GLG1: variants seen among roughly 807,000 people sequenced by gnomAD.
The protein encoded by GLG1 is golgi glycoprotein 1, also known as Golgi apparatus protein 1.
In GLG1, 38 loss-of-function variants were observed where a neutral mutation model predicts 160.5. That is an observed-to-expected ratio of 0.24 (90% confidence interval 0.18 to 0.31). GLG1 has a LOEUF of 0.31. GLG1 is among the 10% of genes least tolerant of loss of function. The pLI is 1.00. For missense variants in GLG1, 1,373 were observed against 1,505.2 expected (o/e 0.91, Z 1.45); for synonymous variants, 644 against 543.4 (o/e 1.19, Z -2.57).
Position 74,449,794 on chromosome 16 carries a change from C to T in GLG1, c.*3373G>A, listed in dbSNP as rs1283651037. On this transcript the variant is annotated 3_prime_UTR_variant, in exon 26 of 26. Coordinates refer to ENST00000422840, the MANE Select transcript of GLG1 (RefSeq NM_001145667.2). Reference sequence around the variant, plus strand: ...GTGGTAGCCCGGGGAAGATCGCTTTCCCGGGGGTGATCCCAAGCCTATGGA... The same window carrying T: ...GTGGTAGCCCGGGGAAGATCGCTTTTCCGGGGGTGATCCCAAGCCTATGGA... 6.6e-6 allele frequency: 1 copy of T among 152,408 alleles called. No individual in the cohort carries two copies. The highest frequency in any genetic ancestry group is 1.5e-5 in the Non-Finnish European group (1 of 68,198). 9.4% of individuals were successfully genotyped at this position (152,408 alleles called of 1,614,324 possible).
At chr16:74,516,802 G>C (rs542930799) in intron 2 of GLG1, among the ~76,000 whole-genome samples, 235 of 152,142 alleles carry the variant, frequency 1.5e-3, no homozygotes, top group African/African-American at 5.5e-3. Context: ...AAAATAGATA[G>C]ACTGCTAGCA....
intron 2 of GLG1, among the ~76,000 whole-genome samples, chr16:74,527,266 T>G (rs1303700581): frequency 6.9e-6 from 1 of 144,558 alleles, no homozygotes; most frequent in African/African-American, 2.6e-5. Context: ...TTTTTTTTTT[T>G]GAGATGGAGT....
chr16:74,592,638 T>G (rs1958211960), intron 1 of GLG1, among the ~76,000 whole-genome samples: 1 of 152,088 alleles, frequency 6.6e-6, no homozygotes, highest in Non-Finnish European at 1.5e-5. Context: ...GTCTGAGAGA[T>G]TAATTTGCCC....
At chr16:74,465,518 G>A (rs2014967290) in intron 19 of GLG1, among the ~76,000 whole-genome samples, 158 bp downstream of exon 19, 1 of 152,164 alleles carries the variant, frequency 6.6e-6, no homozygotes, top group African/African-American at 2.4e-5. Flanking sequence ...GATCTGGAGG[G>A]GGGCCCAGGA....
At chr16:74,492,215 T>C (rs1416339988) in intron 7 of GLG1, among the ~76,000 whole-genome samples, 1 of 149,294 alleles carries the variant, frequency 6.7e-6, no homozygotes, top group Admixed American at 6.7e-5. Context: ...TGAAATCCCA[T>C]CTCTACTAAA....
intron 19 of GLG1, among the ~76,000 whole-genome samples, chr16:74,464,499 TCA>T (rs780302246): frequency 3.3e-5 from 5 of 152,240 alleles, no homozygotes; most frequent in Admixed American, 6.5e-5. Flanking sequence ...TCTTCAAGTG[TCA>T]CAGTGTCTGA....
chr16:74,457,303 G>T (rs777086912), intron 24 of GLG1, among the ~76,000 whole-genome samples: 1 of 152,080 alleles, frequency 6.6e-6, no homozygotes, highest in Non-Finnish European at 1.5e-5. Flanking sequence ...AGGTTAAGGT[G>T]GGAAAATCAC....
intron 2 of GLG1, among the ~76,000 whole-genome samples, chr16:74,530,961 C>A (rs2017513303): frequency 6.6e-6 from 1 of 152,146 alleles, no homozygotes; most frequent in Non-Finnish European, 1.5e-5. Flanking sequence ...TTATTAATAG[C>A]ATTTTCTATT....
chr16:74,468,860 A>ATGCC (rs1285030494), intron 17 of GLG1, 86 bp downstream of exon 17: 1 of 805,384 alleles, frequency 1.2e-6, no homozygotes, highest in African/African-American at 1.7e-5. Context: ...AGTGGATAAA[A>ATGCC]TGCCTCCCCC....
At chr16:74,550,446 G>A (rs900625607) in intron 1 of GLG1, among the ~76,000 whole-genome samples, 24 of 152,116 alleles carry the variant, frequency 1.6e-4, no homozygotes, top group Non-Finnish European at 2.2e-4. Flanking sequence ...TGTGTCCGCC[G>A]TGTGTGGGTT....
At chr16:74,490,762 T>C (rs1290512740) in intron 8 of GLG1, among the ~76,000 whole-genome samples, 1 of 152,302 alleles carries the variant, frequency 6.6e-6, no homozygotes, top group African/African-American at 2.4e-5. Context: ...ATGCATTCTA[T>C]CTATCTAAGA....
At chr16:74,548,874 T>C (rs2018121305) in intron 1 of GLG1, among the ~76,000 whole-genome samples, 1 of 152,010 alleles carries the variant, frequency 6.6e-6, no homozygotes, top group African/African-American at 2.4e-5. Flanking sequence ...CAGGCACCTG[T>C]AATCCCAGCT....
At chr16:74,516,075 A>T (rs1010384749) in intron 2 of GLG1, among the ~76,000 whole-genome samples, 1 of 151,674 alleles carries the variant, frequency 6.6e-6, no homozygotes, top group Non-Finnish European at 1.5e-5. Flanking sequence ...GAGACCTACA[A>T]AGAGACTTAG....
Position 74,462,066 on chromosome 16 carries a change from C to A in GLG1, c.3036+28G>T, listed in dbSNP as rs568017238. The A allele has an allele frequency of 1.0e-5, 12 of 1,184,998 alleles. 2 individuals carry two copies. The East Asian group carries it at 2.8e-4, about 28-fold the overall frequency. 73.4% of individuals were successfully genotyped at this position (1,184,998 alleles called of 1,614,324 possible). On this transcript the variant is annotated intron_variant, in intron 22 of 25. Coordinates refer to ENST00000422840, the MANE Select transcript of GLG1 (RefSeq NM_001145667.2). The stretch of plus-strand genomic sequence containing the variant: ...GGAAACTTCTCTGAGCAGCTCTGTG[C>A]GTAACCAGTTTTGCACGCAAATCCC...
At chr16:74,570,015 C>CA (rs1265874374) in intron 1 of GLG1, among the ~76,000 whole-genome samples, 4 of 125,784 alleles carry the variant, frequency 3.2e-5, no homozygotes, top group Admixed American at 8.2e-5. Flanking sequence ...AACCCCGTCT[C>CA]AAAAAAAAGA....
intron 3 of GLG1, among the ~76,000 whole-genome samples, chr16:74,506,900 T>G (rs1236020424): frequency 2.0e-5 from 3 of 152,138 alleles, no homozygotes; most frequent in Non-Finnish European, 4.4e-5. Flanking sequence ...CTGAAGTGGC[T>G]GGGGAGCAGA....
chr16:74,500,291 CAT>C lies in GLG1; in HGVS notation c.774+3238_774+3239del, dbSNP rs1381576024. On this transcript the variant is annotated intron_variant, in intron 4 of 25. Transcript: ENST00000422840. ...AAAAGTTATTAATACACAGGCTTGG[CAT>C]ATGAGTAATAAATTATCCTATAAAT... Among the ~76,000 whole-genome samples, 4 of 152,076 alleles carry C rather than the reference CAT, an allele frequency of 2.6e-5. No homozygotes were observed. In the East Asian group the frequency reaches 7.7e-4, roughly 29 times the overall value.
In GLG1 at chr16:74,574,883, C is replaced by CAAAAAAAAAAAAAAAA. The variant is rs531720341; in HGVS notation, c.438+31758_438+31773dup. Reference sequence around the variant, plus strand: ...TGGGTAAGAGAGCAAGACTCTGTCTCAAAAAAAAAAAAAAAAAAAAAAAAA... The same window carrying CAAAAAAAAAAAAAAAA: ...TGGGTAAGAGAGCAAGACTCTGTCTCAAAAAAAAAAAAAAAAAAAAAAAAAAAAAAAAAAAAAAAAA... On this transcript the variant is annotated intron_variant, in intron 1 of 25. Transcript: ENST00000422840. 6.9e-4 allele frequency among the ~76,000 whole-genome samples: 17 copies of CAAAAAAAAAAAAAAAA among 24,792 alleles called. 3 individuals carry two copies. Among genetic ancestry groups the CAAAAAAAAAAAAAAAA allele is most frequent in the African/African-American group, 1.5e-3 (6 of 4,000 alleles). 16.3% of individuals were successfully genotyped at this position (24,792 alleles called of 152,430 possible).
intron 10 of GLG1, among the ~76,000 whole-genome samples, chr16:74,481,816 G>A (rs1048997615): frequency 2.6e-5 from 4 of 151,848 alleles, no homozygotes; most frequent in African/African-American, 9.7e-5. Context: ...ACGGAGTCTC[G>A]CTCTGTCTCC....
Sources: allele counts gnomAD v4.1 joint callset (sites outside exome capture counted in the v4.1 genomes callset), GRCh38; gene constraint gnomAD v4.1.1; transcripts MANE v1.5; gene names NCBI Gene and HGNC (gene_info 2026-07-23, HGNC 2026-07-21).